The following MED9 variants were observed in gnomAD, a reference collection of about 807,000 sequenced individuals.
MED9 encodes mediator of RNA polymerase II transcription subunit 9.
A neutral mutation model predicts 13.2 loss-of-function variants in MED9; 8 were observed. The ratio of observed to expected loss-of-function variants is 0.61; its 90% CI spans 0.36 to 1.10. The LOEUF (loss-of-function observed/expected upper bound fraction) is 1.10. Among genes scored for constraint, MED9 ranks in the 50% least tolerant of loss-of-function variants. The pLI is 0.02. For synonymous variants in MED9, 87 were observed against 82.8 expected (o/e 1.05, Z -0.28); for missense variants, 180 against 193.4 (o/e 0.93, Z 0.41).
intron 1 of MED9, 67 bp from the exon 2 acceptor site, chr17:17,491,212 G>C: frequency 7.1e-7 from 1 of 1,405,766 alleles, no homozygotes; most frequent in Non-Finnish European, 1.0e-6. Flanking sequence ...AGCTCTAGGG[G>C]GTGCAGGGCA....
At chr17:17,490,435 C>G (rs1253836314) in intron 1 of MED9, among the ~76,000 whole-genome samples, 1 of 152,228 alleles carries the variant, frequency 6.6e-6, no homozygotes, top group African/African-American at 2.4e-5. Context: ...GAGTGAGACC[C>G]TGTCTCAAAC....
At chr17:17,484,856 G>C (rs1905097700) in intron 1 of MED9, among the ~76,000 whole-genome samples, 1 of 152,220 alleles carries the variant, frequency 6.6e-6, no homozygotes, top group Non-Finnish European at 1.5e-5. Context: ...AGAAATGCCA[G>C]GCAAGCATTT....
intron 1 of MED9, among the ~76,000 whole-genome samples, chr17:17,490,772 TA>T (rs2142478051): frequency 6.6e-6 from 1 of 152,358 alleles, no homozygotes; most frequent in South Asian, 2.1e-4. Flanking sequence ...TGCTAACTGA[TA>T]AAGCCTCCTG....
intron 1 of MED9, among the ~76,000 whole-genome samples, chr17:17,482,138 C>T (rs541500807): frequency 1.7e-4 from 26 of 152,218 alleles, no homozygotes; most frequent in African/African-American, 5.8e-4. Context: ...TCAAGGACAC[C>T]GTCATTGTTT....
chr17:17,485,037 A>G (rs1905101464), intron 1 of MED9: 2 of 231,632 alleles, frequency 8.6e-6, no homozygotes, highest in East Asian at 1.6e-4. Context: ...ATGGAGTCTC[A>G]CTCTGTCGCC....
In MED9 at chr17:17,477,360, G is replaced by A. The variant is rs568760115; in HGVS notation, c.224+95G>A. 55 of 1,355,806 alleles carry A rather than the reference G, an allele frequency of 4.1e-5. 1 individual carries two copies. Among genetic ancestry groups the A allele is most frequent in the Non-Finnish European group, 5.3e-5 (54 of 1,011,622 alleles). The allele number at this position is 1,355,806 out of a possible 1,614,324, so 84.0% of individuals were successfully genotyped here. A position where few individuals can be genotyped will look rare whatever the true frequency, so the allele number is the denominator to read the frequency against. Reference sequence around the variant, plus strand: ...AAGAGGCCTTGGCGCTCTGGGGCACGCCCCCGTTTCACAGATGGGGAAACT... The same window carrying A: ...AAGAGGCCTTGGCGCTCTGGGGCACACCCCCGTTTCACAGATGGGGAAACT... On this transcript the variant is annotated intron_variant, in intron 1 of 1. Coordinates refer to ENST00000268711, the MANE Select transcript of MED9 (RefSeq NM_018019.3).
chr17:17,478,409 C>T (rs775733222), intron 1 of MED9, among the ~76,000 whole-genome samples: 2 of 152,226 alleles, frequency 1.3e-5, no homozygotes, highest in Non-Finnish European at 2.9e-5. Context: ...ACGTGAAGGT[C>T]TTGACTGTTA....
chr17:17,477,181 C>T lies in MED9; in HGVS notation c.140C>T (p.Pro47Leu), dbSNP rs1367868546. The T allele has an allele frequency of 1.2e-6, 2 of 1,610,348 alleles. No homozygotes were observed. Among genetic ancestry groups the T allele is most frequent in the South Asian group, 2.2e-5 (2 of 90,778 alleles). The change falls in exon 1 of 2, where the codon CCG (proline) becomes CTG (leucine). Residue 47 changes from proline (P) to leucine (L), a missense_variant. Physicochemically the swap from Pro to Leu is moderately conservative, Grantham distance 98. Coordinates refer to ENST00000268711, the MANE Select transcript of MED9 (RefSeq NM_018019.3). ...CCTGCGCCTCAACCGCAGCAGTCGC[C>T]GGCGCCACGGCCTCAGTCACCTGCC... is the stretch of plus-strand genomic sequence containing the variant. ...PVPAPQPQQS[P>L]APRPQSPARA...
intron 1 of MED9, among the ~76,000 whole-genome samples, chr17:17,489,647 C>T (rs956715988): frequency 6.6e-6 from 1 of 152,190 alleles, no homozygotes; most frequent in Non-Finnish European, 1.5e-5. Context: ...AAATAAAAGA[C>T]GTTCCCTATT....
chr17:17,490,348 A>G (rs1317729060), intron 1 of MED9, among the ~76,000 whole-genome samples: 1 of 152,212 alleles, frequency 6.6e-6, no homozygotes, highest in African/African-American at 2.4e-5. Context: ...AGGCAGGAGA[A>G]TTGCTTGAAC....
At chr17:17,490,983 C>G (rs896990765) in intron 1 of MED9, among the ~76,000 whole-genome samples, 1 of 152,148 alleles carries the variant, frequency 6.6e-6, no homozygotes, top group Non-Finnish European at 1.5e-5. Flanking sequence ...TAGGGAGACA[C>G]CTGTGACCAG....
At chr17:17,487,294 C>T (rs1905151452) in intron 1 of MED9, 1 of 152,378 alleles carries the variant, frequency 6.6e-6, no homozygotes, top group Non-Finnish European at 1.5e-5. Flanking sequence ...CTGCCGGAGC[C>T]AGCAGTGGCA....
In MED9 at chr17:17,492,230, A is replaced by G. The variant is rs910880272; in HGVS notation, c.*735A>G. 6.5e-6 allele frequency: 1 copy of G among 152,934 alleles called. No homozygotes were observed. Among genetic ancestry groups the G allele is most frequent in the Non-Finnish European group, 1.5e-5 (1 of 68,650 alleles). 9.5% of individuals were successfully genotyped at this position (152,934 alleles called of 1,614,324 possible). On this transcript the variant is annotated 3_prime_UTR_variant, in exon 2 of 2. Transcript: ENST00000268711. ...CGTTCATCACCCTCAGTCAGTGCCC[A>G]AGAGTGGCCAAACCGCTTCACATCT...
Position 17,483,241 on chromosome 17 carries a change from A to T in MED9, c.224+5976A>T, listed in dbSNP as rs1443538739. 6.6e-6 allele frequency among the ~76,000 whole-genome samples: 1 copy of T among 152,152 alleles called. No individual in the cohort carries two copies. The highest frequency in any genetic ancestry group is 2.4e-5 in the African/African-American group (1 of 41,438). On this transcript the variant is annotated intron_variant, in intron 1 of 1. Transcript: ENST00000268711. This position sits in a 1 kb window ranked among gnomAD's most constrained non-coding sequence, Gnocchi z 4.2. Reference sequence around the variant, plus strand: ...CCTTTATGCTTATTTTATCTTGTGAATGTTATTTGGCTAATTTTTCTTTGT... The same window carrying T: ...CCTTTATGCTTATTTTATCTTGTGATTGTTATTTGGCTAATTTTTCTTTGT...
At chr17:17,479,103 G>A (rs908552200) in intron 1 of MED9, among the ~76,000 whole-genome samples, 1 of 152,176 alleles carries the variant, frequency 6.6e-6, no homozygotes, top group Non-Finnish European at 1.5e-5. Flanking sequence ...ATATTCTTGA[G>A]CCCTGGTAGA....
At chr17:17,478,057 G>A (rs1180821473) in intron 1 of MED9, among the ~76,000 whole-genome samples, 3 of 152,112 alleles carry the variant, frequency 2.0e-5, no homozygotes, top group African/African-American at 4.8e-5. Flanking sequence ...GTACAGTGGC[G>A]TGATCTCGGC....
rs902687281 is a variant in MED9 at position 17,483,308 on chromosome 17, T to C, written c.224+6043T>C. 3.9e-5 allele frequency among the ~76,000 whole-genome samples: 6 copies of C among 152,250 alleles called. No homozygotes were observed. In the East Asian group the frequency reaches 9.6e-4, roughly 24 times the overall value. ...ATTGAGCCCAAACTTAGGCCTTTAC[T>C]CAGGGATCTCTGCAGACCATTTTCA... On this transcript the variant is annotated intron_variant, in intron 1 of 1. Coordinates refer to ENST00000268711, the MANE Select transcript of MED9 (RefSeq NM_018019.3). This position sits in a 1 kb window ranked among gnomAD's most constrained non-coding sequence, Gnocchi z 4.2.
At chr17:17,477,517 G>T (rs1904945461) in intron 1 of MED9, 3 of 481,544 alleles carry the variant, frequency 6.2e-6, no homozygotes, top group African/African-American at 2.0e-5. Flanking sequence ...GCAGACTCTT[G>T]TCCAGCGGCT....
chr17:17,483,045 C>T lies in MED9; in HGVS notation c.224+5780C>T, dbSNP rs532582424. Among the ~76,000 whole-genome samples, 39 of 152,246 alleles carry T rather than the reference C, an allele frequency of 2.6e-4. No individual in the cohort carries two copies. The highest frequency in any genetic ancestry group is 3.4e-3 in the Middle Eastern group (1 of 294). On this transcript the variant is annotated intron_variant, in intron 1 of 1. Transcript: ENST00000268711. This position sits in a 1 kb window ranked among gnomAD's most constrained non-coding sequence, Gnocchi z 4.2. Reference sequence around the variant, plus strand: ...TCAGTATTTCCCTGGCCCTTCCTTTCCCGTGGAGTTTTCTAGCAGCCTGCC... The same window carrying T: ...TCAGTATTTCCCTGGCCCTTCCTTTTCCGTGGAGTTTTCTAGCAGCCTGCC...
Sources: allele counts gnomAD v4.1 joint callset (sites outside exome capture counted in the v4.1 genomes callset), GRCh38; gene constraint gnomAD v4.1.1; non-coding constraint Gnocchi (gnomAD v3.1); transcripts MANE v1.5; gene names NCBI Gene and HGNC (gene_info 2026-07-23, HGNC 2026-07-21).